The following DAB2 variants were observed in gnomAD, a reference collection of about 807,000 sequenced individuals.
The protein encoded by DAB2 is disabled homolog 2.
In DAB2, 28 loss-of-function variants were observed where a neutral mutation model predicts 71.6. The ratio of observed to expected loss-of-function variants is 0.39; its 90% CI spans 0.29 to 0.54. DAB2 has a LOEUF of 0.54. Among genes scored for constraint, DAB2 ranks in the 20% least tolerant of loss-of-function variants. The probability of loss-of-function intolerance (pLI) is 0.68; values close to 1 mark genes in which losing one functional copy is unlikely to be tolerated. For missense variants in DAB2, 867 were observed against 928.8 expected (o/e 0.93, Z 0.86); for synonymous variants, 345 against 339.7 (o/e 1.02, Z -0.17).
At chr5:39,416,794 T>A (rs1755855639) in intron 1 of DAB2, among the ~76,000 whole-genome samples, 1 of 152,144 alleles carries the variant, frequency 6.6e-6, no homozygotes, top group Non-Finnish European at 1.5e-5. Context: ...GCTTTTGGGA[T>A]CCGAAAATTA....
At position 39,376,934 on chromosome 5, in the gene DAB2, G is replaced by A; in HGVS notation, c.1853C>T (p.Thr618Ile). The change falls in exon 12 of 15, where the codon ACT becomes ATT. Residue 618 changes from threonine (T) to isoleucine (I), a missense_variant. Thr to Ile is a moderately conservative substitution (Grantham distance 89, BLOSUM62 -1). Around this residue, in one of 2 missense-constraint regions of DAB2, gnomAD observed 740 missense variants for 734.3 expected, o/e 1.01. Coordinates refer to ENST00000320816, the MANE Select transcript of DAB2 (RefSeq NM_001343.4). ...PPSMHSSLLV[T>I]PPQPPPRAGP... The stretch of plus-strand genomic sequence containing the variant: ...AGCTCTGGGAGGTGGCTGAGGAGGA[G>A]TGACCAGGAGAGAGGAGTGCATGGA... 1 of 1,614,192 alleles carries A rather than the reference G, an allele frequency of 6.2e-7. No homozygotes were observed. Among genetic ancestry groups the A allele is most frequent in the East Asian group, 2.2e-5 (1 of 44,890 alleles).
chr5:39,383,475 T>C (rs1034236744), intron 9 of DAB2, among the ~76,000 whole-genome samples: 2 of 152,160 alleles, frequency 1.3e-5, no homozygotes, highest in Non-Finnish European at 2.9e-5. Context: ...TCCTCCCCAA[T>C]ATCATGCCCT....
At chr5:39,415,038 TA>T (rs1236021312) in intron 1 of DAB2, among the ~76,000 whole-genome samples, 1 of 152,032 alleles carries the variant, frequency 6.6e-6, no homozygotes, top group African/African-American at 2.4e-5. Flanking sequence ...CTGATTAGGG[TA>T]GAAAGCTTCA....
chr5:39,400,484 G>A (rs1451572873), intron 1 of DAB2, among the ~76,000 whole-genome samples: 6 of 151,954 alleles, frequency 3.9e-5, no homozygotes, highest in East Asian at 1.9e-4. Flanking sequence ...GTCCTGCCTC[G>A]GCCTCCCAGA....
chr5:39,390,023 T>TC lies in DAB2; in HGVS notation c.463-92_463-91insG, dbSNP rs1755189265. 8.2e-6 allele frequency: 8 copies of TC among 974,096 alleles called. No homozygotes were observed. The Middle Eastern group carries it at 1.9e-3, about 237-fold the overall frequency. The allele number at this position is 974,096 out of a possible 1,614,324, so 60.3% of individuals were successfully genotyped here. A position where few individuals can be genotyped will look rare whatever the true frequency, so the allele number is the denominator to read the frequency against. ...TCAATTATAATTCATACTGGGATTT[T>TC]TTTTTTAATCTTAAAACGCCTTACT... On this transcript the variant is annotated intron_variant, in intron 5 of 14. Transcript: ENST00000320816.
chr5:39,423,511 A>G (rs1756035342), intron 1 of DAB2, among the ~76,000 whole-genome samples: 1 of 152,178 alleles, frequency 6.6e-6, no homozygotes, highest in Non-Finnish European at 1.5e-5. Flanking sequence ...GCCATTTGGT[A>G]GCTGCAAGCT....
chr5:39,390,315 T>A, intron 5 of DAB2, 129 bp downstream of exon 5: 1 of 1,183,052 alleles, frequency 8.5e-7, no homozygotes, highest in African/African-American at 1.5e-5. Flanking sequence ...ATAAAAATAG[T>A]CATTCTCGGA....
chr5:39,386,958 T>C (rs2112045988), intron 9 of DAB2, among the ~76,000 whole-genome samples: 1 of 152,296 alleles, frequency 6.6e-6, no homozygotes, highest in East Asian at 1.9e-4. Context: ...TCCTCAGAAC[T>C]ATAACAAAAA....
rs528885665 is a variant in DAB2 at position 39,394,026 on chromosome 5, C to T, written c.91+204G>A. ...CCAACTGGACTTAAGTGGGTATAAT[C>T]GCAGGTTTCCAGAGATGTCTTATTA... On this transcript the variant is annotated intron_variant, in intron 2 of 14. Transcript: ENST00000320816. Among the ~76,000 whole-genome samples the T allele has an allele frequency of 9.2e-5, 14 of 152,240 alleles. No homozygotes were observed. In the South Asian group the frequency reaches 2.1e-3, roughly 23 times the overall value.
chr5:39,374,546 T>C (rs1227502639), intron 14 of DAB2, among the ~76,000 whole-genome samples: 1 of 152,180 alleles, frequency 6.6e-6, no homozygotes, highest in African/African-American at 2.4e-5. Context: ...CAGACTAACT[T>C]TGAGATTGCT....
rs377247288 is a variant in DAB2 at position 39,397,908 on chromosome 5, G to T, written c.-101-3487C>A. ...AGAATACATTCTATTTTCTTCATGG[G>T]AGGCAATTGAAGTGTGTGTGACTAT... On this transcript the variant is annotated intron_variant, in intron 1 of 14. Transcript: ENST00000320816. 5.3e-5 allele frequency among the ~76,000 whole-genome samples: 8 copies of T among 152,196 alleles called. No homozygotes were observed. The South Asian group carries it at 1.2e-3, about 24-fold the overall frequency.
chr5:39,383,640 C>G (rs767890899), intron 9 of DAB2, among the ~76,000 whole-genome samples: 1 of 152,170 alleles, frequency 6.6e-6, no homozygotes, highest in Non-Finnish European at 1.5e-5. Context: ...GATTGTGAGT[C>G]ACTATAAATG....
At chr5:39,395,075 C>T (rs1755326660) in intron 1 of DAB2, among the ~76,000 whole-genome samples, 1 of 152,122 alleles carries the variant, frequency 6.6e-6, no homozygotes, top group Admixed American at 6.5e-5. Context: ...TATTATTCAG[C>T]ATCACCATAC....
intron 1 of DAB2, among the ~76,000 whole-genome samples, chr5:39,415,290 G>A (rs1267294253): frequency 2.0e-5 from 3 of 152,050 alleles, no homozygotes; most frequent in Admixed American, 6.6e-5. Context: ...GTAACAGAAG[G>A]AAGCAATTCT....
intron 10 of DAB2, 47 bp from the exon 11 acceptor site, chr5:39,381,663 G>A (rs1322038380): frequency 1.2e-6 from 2 of 1,603,070 alleles, no homozygotes; most frequent in Non-Finnish European, 1.7e-6. Flanking sequence ...CTCACTAACA[G>A]TGAAATACAG....
chr5:39,395,212 A>G (rs1755330723), intron 1 of DAB2, among the ~76,000 whole-genome samples: 1 of 103,298 alleles, frequency 9.7e-6, no homozygotes, highest in Admixed American at 1.1e-4. Flanking sequence ...AGGTTCTCTC[A>G]CTTCCCAGGA....
At chr5:39,376,162 A>C in intron 12 of DAB2, 56 bp from the exon 13 acceptor site, 1 of 1,318,030 alleles carries the variant, frequency 7.6e-7, no homozygotes, top group Non-Finnish European at 1.1e-6. Flanking sequence ...AATATAGGCC[A>C]GTCCCCGAGT....
chr5:39,386,799 T>A (rs1399341573), intron 9 of DAB2, among the ~76,000 whole-genome samples: 1 of 152,184 alleles, frequency 6.6e-6, no homozygotes, highest in Non-Finnish European at 1.5e-5. Context: ...TGAATGTCAT[T>A]TATACTTGGG....
At chr5:39,393,433 C>T in intron 2 of DAB2, 40 bp from the exon 3 acceptor site, 1 of 1,606,616 alleles carries the variant, frequency 6.2e-7, no homozygotes, top group Non-Finnish European at 8.5e-7. Flanking sequence ...AATGCTAGTT[C>T]TAATTATGAC....
Sources: allele counts gnomAD v4.1 joint callset (sites outside exome capture counted in the v4.1 genomes callset), GRCh38; gene constraint gnomAD v4.1.1; regional missense constraint gnomAD v4.1.1; transcripts MANE v1.5; gene names NCBI Gene and HGNC (gene_info 2026-07-23, HGNC 2026-07-21).